OR3A2: variants seen among roughly 807,000 people sequenced by gnomAD.
The protein encoded by OR3A2 is olfactory receptor family 3 subfamily A member 2.
For missense variants in OR3A2, 318 were observed against 392.8 expected, an observed-to-expected ratio of 0.81 and a Z score of 1.61; for synonymous variants, 126 against 159.3, an observed-to-expected ratio of 0.79 and a Z score of 1.57.
chr17:3,323,754 T>A (rs1015802927), intron 3 of OR3A2, among the ~76,000 whole-genome samples: 7 of 152,256 alleles, frequency 4.6e-5, no homozygotes, highest in South Asian at 2.1e-4. Flanking sequence ...CTTCCCTTTG[T>A]GGGTAACCCG....
rs571031401 is a variant in OR3A2 at position 3,280,514 on chromosome 17, C to T, written c.-6-1591G>A. On this transcript the variant is annotated intron_variant, in intron 1 of 1. Transcript: ENST00000642052. ...GTCTCGATCTCCTGACCTGGTGATCCGCCCGCCTCGGCCTCCCAAAGTGCT... is the reference window on the plus strand; with the variant it reads ...GTCTCGATCTCCTGACCTGGTGATCTGCCCGCCTCGGCCTCCCAAAGTGCT... Among the ~76,000 whole-genome samples, 13 of 152,216 alleles carry T rather than the reference C, an allele frequency of 8.5e-5. No homozygotes were observed. The East Asian group carries it at 1.7e-3, about 20-fold the overall frequency.
intron 2 of OR3A2, among the ~76,000 whole-genome samples, chr17:3,343,512 T>C (rs1349024059): frequency 6.6e-6 from 1 of 152,240 alleles, no homozygotes; most frequent in East Asian, 1.9e-4. Flanking sequence ...TTTAATGTGC[T>C]GCGTCTTGCT....
At chr17:3,324,026 G>C (rs1597339996) in intron 3 of OR3A2, among the ~76,000 whole-genome samples, 1 of 152,050 alleles carries the variant, frequency 6.6e-6, no homozygotes, top group South Asian at 2.1e-4. Flanking sequence ...TTTTCACGTA[G>C]TCCCATATTT....
rs868295506 is a variant in OR3A2 at position 3,350,210 on chromosome 17, C to A, written c.-178-14084G>T. Among the ~76,000 whole-genome samples the A allele has an allele frequency of 9.2e-5, 14 of 151,874 alleles. No homozygotes were observed. In the Middle Eastern group the frequency reaches 0.01, roughly 111 times the overall value. ...AGCAGAACTGAAGGAAATAGAGACA[C>A]AAAAAACCCTTCAAAAAATTAACGA... is the stretch of plus-strand genomic sequence containing the variant. On this transcript the variant is annotated intron_variant, in intron 2 of 4. Transcript: ENST00000573491.
At chr17:3,377,588 T>C (rs2049695251) in intron 2 of OR3A2, 3 of 152,210 alleles carry the variant, frequency 2.0e-5, no homozygotes. Context: ...TGGCCATGAC[T>C]ACTACGTACA....
At chr17:3,356,783 C>A (rs2049468869) in intron 2 of OR3A2, among the ~76,000 whole-genome samples, 1 of 151,596 alleles carries the variant, frequency 6.6e-6, no homozygotes, top group Non-Finnish European at 1.5e-5. Context: ...GATAAATACG[C>A]TCTTAAGTTT....
At chr17:3,303,512 T>C (rs989117390) in intron 3 of OR3A2, among the ~76,000 whole-genome samples, 3 of 151,450 alleles carry the variant, frequency 2.0e-5, no homozygotes, top group African/African-American at 7.3e-5. Context: ...GAGGCTGAGG[T>C]AGACAGATCA....
chr17:3,343,382 C>T (rs1195247084), intron 2 of OR3A2, among the ~76,000 whole-genome samples: 2 of 152,132 alleles, frequency 1.3e-5, no homozygotes, highest in African/African-American at 2.4e-5. Context: ...CCTATTCAGC[C>T]ATCTTGAAAT....
chr17:3,289,151 C>A (rs1279510793), upstream of OR3A2, among the ~76,000 whole-genome samples: 1 of 152,130 alleles, frequency 6.6e-6, no homozygotes, highest in Non-Finnish European at 1.5e-5. Flanking sequence ...AAACATGAAA[C>A]TATTAACAGT....
intron 2 of OR3A2, among the ~76,000 whole-genome samples, chr17:3,338,490 G>A (rs1484198218): frequency 1.3e-5 from 2 of 152,110 alleles, no homozygotes; most frequent in Non-Finnish European, 1.5e-5. Flanking sequence ...TTCTACATAT[G>A]GCTAGCCAGT....
At chr17:3,276,162 T>G (rs2048734000), downstream of OR3A2, among the ~76,000 whole-genome samples, 1 of 150,588 alleles carries the variant, frequency 6.6e-6, no homozygotes, top group Non-Finnish European at 1.5e-5. Flanking sequence ...GCAAAACAAT[T>G]GAAAATAACC....
intron 3 of OR3A2, among the ~76,000 whole-genome samples, chr17:3,308,450 G>A (rs1312427333): frequency 6.6e-6 from 1 of 152,106 alleles, no homozygotes; most frequent in Non-Finnish European, 1.5e-5. Context: ...TACAAATGAA[G>A]TTCACCCTCT....
chr17:3,304,932 T>C (rs2048989444), intron 3 of OR3A2, among the ~76,000 whole-genome samples: 1 of 152,220 alleles, frequency 6.6e-6, no homozygotes, highest in African/African-American at 2.4e-5. Context: ...TCCACTTATA[T>C]AAAGTTTTAG....
At chr17:3,345,391 A>G (rs2049353816) in intron 2 of OR3A2, among the ~76,000 whole-genome samples, 1 of 151,012 alleles carries the variant, frequency 6.6e-6, no homozygotes, top group African/African-American at 2.4e-5. Flanking sequence ...CAGAGAGAGT[A>G]CAAGACCAAA....
chr17:3,348,875 T>G (rs140806704), intron 2 of OR3A2, among the ~76,000 whole-genome samples: 11,789 of 152,118 alleles, frequency 0.077, 1,023 homozygotes, highest in East Asian at 0.49. Flanking sequence ...GGGGCCAATA[T>G]TCAACATTCT....
rs142968305 is a variant in OR3A2, at chr17:3,323,647, G to C, written c.-85+12386C>G. Among the ~76,000 whole-genome samples the C allele has an allele frequency of 7.2e-3, 1,099 of 152,150 alleles. 10 individuals are homozygous for C. The highest frequency in any genetic ancestry group is 0.02 in the South Asian group (96 of 4,822). On this transcript the variant is annotated intron_variant, in intron 3 of 4. Coordinates refer to the OR3A2 transcript ENST00000573491. ...AGTTTGGCTGGATATGAAATTCTGGGTTGAAAATTCTTTTCCTTAAGAATG... is the reference window on the plus strand; with the variant it reads ...AGTTTGGCTGGATATGAAATTCTGGCTTGAAAATTCTTTTCCTTAAGAATG...
chr17:3,309,422 G>C (rs142032863), intron 3 of OR3A2, among the ~76,000 whole-genome samples: 3 of 152,058 alleles, frequency 2.0e-5, no homozygotes, highest in Non-Finnish European at 4.4e-5. Context: ...TCAGGGTGTG[G>C]GTATCTGCTT....
intron 3 of OR3A2, among the ~76,000 whole-genome samples, chr17:3,332,002 G>A (rs1416072241): frequency 1.3e-5 from 2 of 152,034 alleles, no homozygotes; most frequent in African/African-American, 4.8e-5. Context: ...CCCCTGCTGG[G>A]GGGTGCCTCC....
intron 3 of OR3A2, among the ~76,000 whole-genome samples, chr17:3,332,374 G>A (rs769206971): frequency 1.2e-4 from 19 of 152,330 alleles, no homozygotes; most frequent in Middle Eastern, 6.8e-3. Flanking sequence ...CTCCGTGGGC[G>A]TAGGACCCTC....
Sources: gnomAD v4.1 joint callset for allele counts (sites outside exome capture counted in the v4.1 genomes callset) on GRCh38, gnomAD v4.1.1 for gene constraint, MANE v1.5 for transcripts, NCBI Gene and HGNC (gene_info 2026-07-23, HGNC 2026-07-21) for gene names.